Variants in STK10 observed in about 807,000 individuals in gnomAD.
STK10 encodes serine/threonine kinase 10.
Under a neutral mutation model 113.8 loss-of-function variants are expected in STK10, and 78 were observed. The observed-to-expected ratio is 0.69, with a 90% CI of 0.57 to 0.83. The LOEUF (loss-of-function observed/expected upper bound fraction) is 0.83, where lower values mean the gene tolerates loss of function less well. STK10 is among the 40% of genes least tolerant of loss of function. The pLI is 0.00. For synonymous variants in STK10, 465 were observed against 494.7 expected (o/e 0.94, Z 0.80); for missense variants, 1,109 against 1,280.1 (o/e 0.87, Z 2.04).
intron 2 of STK10, among the ~76,000 whole-genome samples, chr5:172,130,214 A>G (rs1769720684): frequency 6.6e-6 from 1 of 152,130 alleles, no homozygotes; most frequent in South Asian, 2.1e-4. Context: ...ACTGTAAGGA[A>G]CAGATGAGGT....
At chr5:172,056,830 C>T (rs1554115507) in intron 15 of STK10, among the ~76,000 whole-genome samples, 1 of 149,168 alleles carries the variant, frequency 6.7e-6, no homozygotes, top group Non-Finnish European at 1.5e-5. Flanking sequence ...GCCTAGATGG[C>T]GCCACTGCAC....
chr5:172,157,222 A>C (rs1292722077), intron 1 of STK10, among the ~76,000 whole-genome samples: 1 of 152,198 alleles, frequency 6.6e-6, no homozygotes, highest in Admixed American at 6.5e-5. Context: ...GGGAGGGGCC[A>C]GAAATAGGGA....
chr5:172,087,691 C>G (rs573168238), intron 10 of STK10, among the ~76,000 whole-genome samples: 5,296 of 137,104 alleles, frequency 0.039, 575 homozygotes, highest in Middle Eastern at 0.068. Context: ...TGCAGTGGCG[C>G]AATCTCGGCT....
At chr5:172,053,819 G>A (rs759752517) in intron 17 of STK10, among the ~76,000 whole-genome samples, 4 of 152,242 alleles carry the variant, frequency 2.6e-5, no homozygotes, top group East Asian at 3.9e-4. Context: ...TCGCAGCAGC[G>A]CTGCATGCCT....
Position 172,107,110 on chromosome 5 carries a change from C to A in STK10, c.594-296G>T, listed in dbSNP as rs1417861693. ...GCGGGTGGGAGCGGAGGGGAAGGTG[C>A]GGAGCAAAAAAAAAGGGGCGTGGAG... On this transcript the variant is annotated intron_variant, in intron 5 of 18. Coordinates refer to ENST00000176763, the MANE Select transcript of STK10 (RefSeq NM_005990.4). The A allele has an allele frequency of 1.5e-5, 4 of 275,172 alleles. No individual in the cohort carries two copies. The Admixed American group carries it at 1.5e-4, about 10-fold the overall frequency. The allele number at this position is 275,172 out of a possible 1,614,324, so 17.0% of individuals were successfully genotyped here.
At chr5:172,108,121 T>C (rs1769157303) in intron 4 of STK10, 2 of 330,178 alleles carry the variant, frequency 6.1e-6, no homozygotes, top group East Asian at 5.4e-5. Context: ...AAAATACCCA[T>C]ACCATTTTAA....
chr5:172,128,066 G>T (rs1035074931), intron 2 of STK10, among the ~76,000 whole-genome samples: 2 of 152,038 alleles, frequency 1.3e-5, no homozygotes, highest in African/African-American at 4.8e-5. Flanking sequence ...CAGGCTGCAG[G>T]CCCCGGGAGA....
intron 2 of STK10, among the ~76,000 whole-genome samples, chr5:172,153,287 A>AAG (rs757123231): frequency 3.6e-5 from 3 of 83,670 alleles, no homozygotes; most frequent in East Asian, 5.2e-4. Flanking sequence ...ACTCCATCTC[A>AAG]AAAAGAAAGA....
chr5:172,059,579 C>T (rs1406416106), intron 14 of STK10, among the ~76,000 whole-genome samples: 3 of 152,142 alleles, frequency 2.0e-5, no homozygotes, highest in East Asian at 1.9e-4. Flanking sequence ...AGACCCCAAG[C>T]CACCGTTGCC....
In STK10 at chr5:172,127,343, C is replaced by T. The variant is rs552126785; in HGVS notation, c.370+30G>A. ...GGACTCCAAACGAGTCGTCTGGTCC[C>T]GACAATGCACCGAATCAAGTAAGAC... On this transcript the variant is annotated intron_variant, in intron 3 of 18. Coordinates refer to ENST00000176763, the MANE Select transcript of STK10 (RefSeq NM_005990.4). 38 of 1,613,224 alleles carry T rather than the reference C, an allele frequency of 2.4e-5. No homozygotes were observed. In the South Asian group the frequency reaches 3.6e-4, roughly 15 times the overall value.
intron 13 of STK10, among the ~76,000 whole-genome samples, chr5:172,064,000 T>A (rs1767990647): frequency 6.6e-6 from 1 of 152,100 alleles, no homozygotes; most frequent in Non-Finnish European, 1.5e-5. Flanking sequence ...GCGCTTATCT[T>A]AGGGACAATG....
At chr5:172,108,729 G>A (rs1390933417) in intron 4 of STK10, among the ~76,000 whole-genome samples, 2 of 151,846 alleles carry the variant, frequency 1.3e-5, no homozygotes, top group African/African-American at 2.4e-5. Flanking sequence ...AGGCTGCAGT[G>A]AGCCAGGATT....
intron 2 of STK10, 144 bp from the exon 3 acceptor site, chr5:172,127,565 G>T: frequency 1.3e-6 from 1 of 778,282 alleles, no homozygotes. Flanking sequence ...CCTGCCTTGG[G>T]AGCCCGTCCC....
intron 2 of STK10, among the ~76,000 whole-genome samples, chr5:172,128,206 A>G (rs1252923707): frequency 7.8e-6 from 1 of 127,510 alleles, no homozygotes; most frequent in Non-Finnish European, 1.6e-5. Context: ...AGAGCAATAG[A>G]GGGAGACTCC....
intron 1 of STK10, among the ~76,000 whole-genome samples, chr5:172,161,447 C>T (rs1416531487): frequency 8.0e-5 from 12 of 150,372 alleles, no homozygotes; most frequent in Admixed American, 6.6e-4. Context: ...AGTGAGACTC[C>T]GTCTCAAAAA....
chr5:172,089,547 G>A (rs943107389), intron 10 of STK10, among the ~76,000 whole-genome samples: 3 of 152,000 alleles, frequency 2.0e-5, no homozygotes, highest in Non-Finnish European at 2.9e-5. Flanking sequence ...GGTAGATAGG[G>A]AGTAGGTAAA....
At chr5:172,153,324 GAAAT>G (rs1290553582) in intron 2 of STK10, among the ~76,000 whole-genome samples, 9 of 140,732 alleles carry the variant, frequency 6.4e-5, no homozygotes, top group African/African-American at 2.3e-4. Context: ...AAGAAAGAAA[GAAAT>G]GTAAAATGAT....
Position 172,053,746 on chromosome 5 carries a change from C to T in STK10, c.2653-704G>A, listed in dbSNP as rs1399080929. 3.3e-5 allele frequency among the ~76,000 whole-genome samples: 5 copies of T among 152,362 alleles called. No individual in the cohort carries two copies. The South Asian group carries it at 8.3e-4, about 25-fold the overall frequency. On this transcript the variant is annotated intron_variant, in intron 17 of 18. Coordinates refer to ENST00000176763, the MANE Select transcript of STK10 (RefSeq NM_005990.4). ...AAAGTAGAATCCTTTGGGAGATTTT[C>T]ATTTTGGGTTTCATGCTAGAGGCTT... is the stretch of plus-strand genomic sequence containing the variant.
intron 1 of STK10, among the ~76,000 whole-genome samples, chr5:172,168,797 C>T (rs1770615337): frequency 6.6e-6 from 1 of 152,192 alleles, no homozygotes; most frequent in African/African-American, 2.4e-5. Flanking sequence ...CTCAGCAGCC[C>T]ACCAAAGTTG....
Sources: gnomAD v4.1 joint callset for allele counts (sites outside exome capture counted in the v4.1 genomes callset) on GRCh38, gnomAD v4.1.1 for gene constraint, MANE v1.5 for transcripts, NCBI Gene and HGNC (gene_info 2026-07-23, HGNC 2026-07-21) for gene names.